GPHN: variants seen among roughly 807,000 people sequenced by gnomAD.
GPHN encodes gephyrin.
A neutral mutation model predicts 95.5 loss-of-function variants in GPHN; 17 were observed. The ratio of observed to expected loss-of-function variants is 0.18; its 90% confidence interval spans 0.12 to 0.27. The LOEUF (loss-of-function observed/expected upper bound fraction) is 0.27, where lower values mean the gene tolerates loss of function less well. Among genes scored for constraint, GPHN ranks in the 10% least tolerant of loss-of-function variants. The probability of loss-of-function intolerance (pLI) is 1.00; values close to 1 mark genes in which losing one functional copy is unlikely to be tolerated. For missense variants in GPHN, 660 were observed against 978.1 expected, an observed-to-expected ratio of 0.67 and a Z score of 4.34; for synonymous variants, 320 against 322.5, an observed-to-expected ratio of 0.99 and a Z score of 0.08.
At chr14:67,230,894 T>C in the GPHN span, among the ~76,000 whole-genome samples, 1 of 152,366 alleles carries the variant, frequency 6.6e-6, no homozygotes, top group East Asian at 1.9e-4. Context: ...TCATAGGTTT[T>C]AAATTGCATG....
chr14:66,695,003 A>G (rs1409047899), intron 2 of GPHN, among the ~76,000 whole-genome samples: 2 of 151,798 alleles, frequency 1.3e-5, no homozygotes, highest in African/African-American at 4.8e-5. Context: ...TACCAAAAAT[A>G]CAAAAATTAG....
At chr14:66,754,665 A>C (rs2058494767) in intron 2 of GPHN, among the ~76,000 whole-genome samples, 1 of 152,010 alleles carries the variant, frequency 6.6e-6, no homozygotes, top group Non-Finnish European at 1.5e-5. Flanking sequence ...TTCTTTCTAT[A>C]GTAATCTTGT....
chr14:67,037,526 A>T (rs887617201), intron 10 of GPHN, among the ~76,000 whole-genome samples: 1 of 152,042 alleles, frequency 6.6e-6, no homozygotes. Flanking sequence ...AGAATGGGAA[A>T]AAATAATTGC....
the GPHN span, chr14:67,692,299 G>A: frequency 2.4e-6 from 2 of 816,940 alleles, no homozygotes; most frequent in South Asian, 3.4e-5. Context: ...GTGTCCCAGT[G>A]ACTATGAGTT....
At chr14:67,156,549 A>C (rs911603399) in intron 18 of GPHN, among the ~76,000 whole-genome samples, 3 of 152,184 alleles carry the variant, frequency 2.0e-5, no homozygotes, top group Non-Finnish European at 4.4e-5. Flanking sequence ...CTAACAAGCT[A>C]ATAGAGGGGA....
At chr14:67,338,832 G>T in the GPHN span, 1 of 1,415,860 alleles carries the variant, frequency 7.1e-7, no homozygotes, top group Non-Finnish European at 9.6e-7. Flanking sequence ...ATTTCTTTGA[G>T]TTTTGTAACA....
the GPHN span, among the ~76,000 whole-genome samples, chr14:67,295,592 A>C: frequency 3.3e-5 from 5 of 152,190 alleles, no homozygotes. Flanking sequence ...CCAAATGGCC[A>C]ATAGCAATGA....
chr14:67,614,561 T>G, the GPHN span, among the ~76,000 whole-genome samples: 1 of 151,546 alleles, frequency 6.6e-6, no homozygotes, highest in African/African-American at 2.4e-5. Context: ...CCCAGGAGTT[T>G]AAGACCAGTC....
At chr14:66,728,000 C>T (rs1436932287) in intron 2 of GPHN, among the ~76,000 whole-genome samples, 2 of 152,128 alleles carry the variant, frequency 1.3e-5, no homozygotes, top group Admixed American at 1.3e-4. Context: ...CCCATGGTCC[C>T]TGTATTGTGT....
At chr14:66,941,007 A>G (rs758096525) in intron 8 of GPHN, among the ~76,000 whole-genome samples, 1 of 152,176 alleles carries the variant, frequency 6.6e-6, no homozygotes, top group Non-Finnish European at 1.5e-5. Flanking sequence ...GGAAACCTGG[A>G]TGGGCATCCT....
chr14:67,239,685 G>T, the GPHN span, among the ~76,000 whole-genome samples: 2 of 152,072 alleles, frequency 1.3e-5, no homozygotes, highest in African/African-American at 4.8e-5. Flanking sequence ...GCGAAACCCC[G>T]TCTCTACTAA....
intron 4 of GPHN, among the ~76,000 whole-genome samples, chr14:66,824,860 A>G (rs1266918684): frequency 5.3e-5 from 8 of 152,196 alleles, no homozygotes; most frequent in Non-Finnish European, 1.2e-4. Flanking sequence ...AGGAAGTGAT[A>G]GCAGAATTCT....
chr14:67,317,707 T>C, the GPHN span, among the ~76,000 whole-genome samples: 2 of 152,200 alleles, frequency 1.3e-5, no homozygotes, highest in African/African-American at 4.8e-5. Context: ...TTCCTGTAGT[T>C]TTTTTCTACT....
chr14:66,781,507 C>T (rs1325897899), intron 3 of GPHN, among the ~76,000 whole-genome samples: 1 of 152,064 alleles, frequency 6.6e-6, no homozygotes, highest in African/African-American at 2.4e-5. Context: ...CGTGAGCCAC[C>T]GCGCCCAGCC....
intron 2 of GPHN, among the ~76,000 whole-genome samples, chr14:66,697,132 C>T (rs2068155080): frequency 6.6e-6 from 1 of 152,178 alleles, no homozygotes; most frequent in Non-Finnish European, 1.5e-5. Context: ...CACATCTTCA[C>T]CTCATCTTTT....
the GPHN span, chr14:67,225,270 C>T: frequency 6.7e-7 from 1 of 1,490,034 alleles, no homozygotes; most frequent in Non-Finnish European, 8.9e-7. Flanking sequence ...CTAAAGGTAA[C>T]TTTTTAATTA....
At chr14:66,996,534 A>T (rs2071810135) in intron 9 of GPHN, among the ~76,000 whole-genome samples, 1 of 152,120 alleles carries the variant, frequency 6.6e-6, no homozygotes, top group Non-Finnish European at 1.5e-5. Flanking sequence ...TAGGTAATTT[A>T]TTATTAAACT....
chr14:67,593,802 T>G, the GPHN span: 5 of 1,613,746 alleles, frequency 3.1e-6, no homozygotes, highest in Admixed American at 8.3e-5. Context: ...ATGAAGGTAG[T>G]GCTTTCTTTG....
intron 6 of GPHN, among the ~76,000 whole-genome samples, chr14:66,917,171 CATT>C (rs1193834476): frequency 4.6e-5 from 7 of 152,170 alleles, no homozygotes; most frequent in Non-Finnish European, 1.0e-4. Context: ...TTTCTATTAA[CATT>C]ATATCCTGAG....
Sources: gnomAD v4.1 joint callset for allele counts (sites outside exome capture counted in the v4.1 genomes callset) on GRCh38, gnomAD v4.1.1 for gene constraint, MANE v1.5 for transcripts, NCBI Gene and HGNC (gene_info 2026-07-23, HGNC 2026-07-21) for gene names.